Variants in SGO2 observed in about 807,000 individuals in gnomAD.
The protein encoded by SGO2 is shugoshin-like 2.
In SGO2, 68 loss-of-function variants were observed where a neutral mutation model predicts 99.5. The observed-to-expected ratio is 0.68, with a 90% CI of 0.56 to 0.84. The LOEUF (loss-of-function observed/expected upper bound fraction) is 0.84, where lower values mean the gene tolerates loss of function less well. Ranked by LOEUF, SGO2 falls within the 40% of genes least tolerant of loss-of-function variation. SGO2 has a pLI of 0.00. For missense variants in SGO2, 1,350 were observed against 1,436.7 expected, an observed-to-expected ratio of 0.94 and a Z score of 0.97; for synonymous variants, 457 against 487.1, an observed-to-expected ratio of 0.94 and a Z score of 0.81.
At chr2:200,556,274 G>A (rs935759984) in intron 5 of SGO2, among the ~76,000 whole-genome samples, 11 of 152,078 alleles carry the variant, frequency 7.2e-5, no homozygotes, top group Admixed American at 2.6e-4. Context: ...TCGAATATCC[G>A]CTTTTAATTA....
chr2:200,556,481 T>C (rs532951959), intron 5 of SGO2, among the ~76,000 whole-genome samples: 2 of 152,272 alleles, frequency 1.3e-5, no homozygotes, highest in East Asian at 1.9e-4. Context: ...AAGGAGGTGG[T>C]AAGCAATTTT....
At chr2:200,554,865 C>A (rs1392251218) in intron 5 of SGO2, among the ~76,000 whole-genome samples, 1 of 152,072 alleles carries the variant, frequency 6.6e-6, no homozygotes, top group Non-Finnish European at 1.5e-5. Flanking sequence ...ATCAGTTTGA[C>A]CTTAAGGTAA....
intron 4 of SGO2, among the ~76,000 whole-genome samples, chr2:200,540,491 C>CT (rs1368850543): frequency 6.6e-6 from 1 of 152,156 alleles, no homozygotes; most frequent in Non-Finnish European, 1.5e-5. Flanking sequence ...GCTGACACCA[C>CT]TATGGCTGGA....
chr2:200,543,214 G>A (rs925267653), intron 5 of SGO2: 7 of 152,386 alleles, frequency 4.6e-5, no homozygotes, highest in Non-Finnish European at 1.0e-4. Flanking sequence ...TGAGGCAGGA[G>A]AATGGTGTGA....
Position 200,573,560 on chromosome 2 carries a change from G to A in SGO2, c.3214G>A (p.Val1072Ile), listed in dbSNP as rs2033538884. 6.2e-7 allele frequency: 1 copy of A among 1,606,252 alleles called. No individual in the cohort carries two copies. The highest frequency in any genetic ancestry group is 8.5e-7 in the Non-Finnish European group (1 of 1,177,850). Residue 1072 changes from valine (V) to isoleucine (I), a missense_variant, in exon 7 of 9, where the codon GTA becomes ATA. By Grantham distance (29) the Val-to-Ile change is conservative. Coordinates refer to ENST00000357799, the MANE Select transcript of SGO2 (RefSeq NM_152524.6). Reference protein sequence around the residue: ...IKEGECQVKKVNKMTSKSKKR... With the variant: ...IKEGECQVKKINKMTSKSKKR... Reference sequence around the variant, plus strand: ...AGAAGGAGAGTGTCAGGTTAAAAAGGTAAATAAAATGACATCTAAGTCAAA... The same window carrying A: ...AGAAGGAGAGTGTCAGGTTAAAAAGATAAATAAAATGACATCTAAGTCAAA...
In SGO2 at chr2:200,583,504, C is replaced by T; in HGVS notation, c.*40C>T. On this transcript the variant is annotated 3_prime_UTR_variant, in exon 9 of 9. Coordinates refer to ENST00000357799, the MANE Select transcript of SGO2 (RefSeq NM_152524.6). ...TTCTGGTTTTTCTGAATTTTCAAAG[C>T]ATAAGGAATCAAAACAGAAATATAG... 1 of 1,550,378 alleles carries T rather than the reference C, an allele frequency of 6.5e-7. No individual in the cohort carries two copies. Among genetic ancestry groups the T allele is most frequent in the South Asian group, 1.3e-5 (1 of 79,722 alleles).
chr2:200,546,784 A>G (rs2032237607), intron 5 of SGO2, among the ~76,000 whole-genome samples: 1 of 152,198 alleles, frequency 6.6e-6, no homozygotes, highest in Non-Finnish European at 1.5e-5. Context: ...AGCAGAGGAA[A>G]GAATCAGTGA....
At position 200,572,522 on chromosome 2, in the gene SGO2, G is replaced by C; in HGVS notation, c.2176G>C (p.Val726Leu). The part of the protein sequence containing the change: ...VNRKTEIISE[V>L]NHLDNDKSIE... ...TCGGAAGACAGAAATAATTTCTGAA[G>C]TGAATCATTTAGATAATGACAAAAG... The change falls in exon 7 of 9, where the codon GTG (valine) becomes CTG (leucine). Residue 726 changes from valine to leucine, a missense_variant. Transcript: ENST00000357799. The C allele has an allele frequency of 6.2e-7, 1 of 1,612,194 alleles. No homozygotes were observed. Among genetic ancestry groups the C allele is most frequent in the Non-Finnish European group, 8.5e-7 (1 of 1,178,810 alleles).
At chr2:200,566,185 T>C (rs2033179892) in intron 5 of SGO2, among the ~76,000 whole-genome samples, 1 of 152,230 alleles carries the variant, frequency 6.6e-6, no homozygotes, top group Non-Finnish European at 1.5e-5. Context: ...CTCTGGTTTC[T>C]CCCCATCTTT....
intron 5 of SGO2, among the ~76,000 whole-genome samples, chr2:200,546,353 GAAAAAAAA>G (rs772361302): frequency 2.4e-5 from 1 of 42,248 alleles, no homozygotes; most frequent in African/African-American, 1.0e-4. Flanking sequence ...ACTCCATCTG[GAAAAAAAA>G]AAAAAAAAAA....
chr2:200,544,692 G>GATCGATCT (rs1553558884), intron 5 of SGO2, among the ~76,000 whole-genome samples: 1,925 of 145,734 alleles, frequency 0.013, 8 homozygotes, highest in African/African-American at 0.017. Flanking sequence ...TTACTTGGGA[G>GATCGATCT]ATCTATCTAT....
At chr2:200,567,057 C>T (rs911666684) in intron 5 of SGO2, among the ~76,000 whole-genome samples, 6 of 152,184 alleles carry the variant, frequency 3.9e-5, no homozygotes, top group South Asian at 2.1e-4. Flanking sequence ...GTTCACACTC[C>T]GTGGGCTGCA....
intron 5 of SGO2, chr2:200,543,669 A>G (rs780414218): frequency 1.3e-5 from 2 of 152,154 alleles, no homozygotes; most frequent in Non-Finnish European, 2.9e-5. Flanking sequence ...TGACTTGCCT[A>G]TTATGTGTGT....
chr2:200,581,273 A>G (rs945589737), intron 8 of SGO2, among the ~76,000 whole-genome samples: 2 of 152,070 alleles, frequency 1.3e-5, no homozygotes, highest in Non-Finnish European at 2.9e-5. Context: ...TATTTTTTGT[A>G]AATAAGTGAT....
At chr2:200,575,501 A>G in intron 8 of SGO2, 40 bp downstream of exon 8, 2 of 1,457,958 alleles carry the variant, frequency 1.4e-6, no homozygotes, top group South Asian at 2.9e-5. Context: ...ATTATAAAAT[A>G]TATCCTTAAA....
Position 200,571,385 on chromosome 2 carries a change from C to T in SGO2, c.1039C>T (p.Gln347Ter). The change falls in exon 7 of 9, where the codon CAA (glutamine) becomes TAA (stop). Residue 347 changes from glutamine to a stop codon, truncating the protein, a stop_gained. Transcript: ENST00000357799. LOFTEE classifies it high-confidence loss of function. ...AGAACCTAATGCAGAGTGCATGAAT[C>T]AAATTGAGGATAATGATGACTTTCA... The part of the protein sequence containing the change: ...AREPNAECMN[Q>*]IEDNDDFQLQ... The T allele has an allele frequency of 6.2e-7, 1 of 1,610,466 alleles. No individual in the cohort carries two copies. The highest frequency in any genetic ancestry group is 1.1e-5 in the South Asian group (1 of 90,788).
At chr2:200,550,765 G>A (rs776048229) in intron 5 of SGO2, among the ~76,000 whole-genome samples, 1 of 152,046 alleles carries the variant, frequency 6.6e-6, no homozygotes, top group Non-Finnish European at 1.5e-5. Flanking sequence ...CACTTCAGGA[G>A]TGATCTGGGC....
At chr2:200,561,265 A>G (rs939409577) in intron 5 of SGO2, among the ~76,000 whole-genome samples, 11 of 152,074 alleles carry the variant, frequency 7.2e-5, no homozygotes, top group Non-Finnish European at 1.0e-4. Flanking sequence ...TCATTGTTCA[A>G]TTCCCACCTA....
At chr2:200,546,257 G>T (rs1341517043) in intron 5 of SGO2, among the ~76,000 whole-genome samples, 1 of 149,980 alleles carries the variant, frequency 6.7e-6, no homozygotes, top group Non-Finnish European at 1.5e-5. Context: ...GGAGGCTGAG[G>T]CAGGAGAATG....
Sources: gnomAD v4.1 joint callset for allele counts (sites outside exome capture counted in the v4.1 genomes callset) on GRCh38, gnomAD v4.1.1 for gene constraint, MANE v1.5 for transcripts, NCBI Gene and HGNC (gene_info 2026-07-23, HGNC 2026-07-21) for gene names.